The following RAB6A variants were observed in gnomAD, a reference collection of about 807,000 sequenced individuals.
RAB6A encodes ras-related protein Rab-6A.
A neutral mutation model predicts 32.3 loss-of-function variants in RAB6A; 8 were observed. The ratio of observed to expected loss-of-function variants is 0.25; its 90% CI spans 0.15 to 0.45. RAB6A has a LOEUF of 0.45. RAB6A is among the 20% of genes least tolerant of loss of function. The pLI is 1.00. For missense variants in RAB6A, 104 were observed against 249.4 expected (o/e 0.42, Z 3.93); for synonymous variants, 73 against 82.1 (o/e 0.89, Z 0.60).
intron 1 of RAB6A, among the ~76,000 whole-genome samples, chr11:73,746,145 C>G (rs1946584965): frequency 6.8e-6 from 1 of 147,986 alleles, no homozygotes; most frequent in Admixed American, 6.7e-5. Context: ...GCCTGGCCAA[C>G]AGAGACCCCA....
chr11:73,697,010 C>T (rs912067932), intron 6 of RAB6A, among the ~76,000 whole-genome samples: 1 of 152,174 alleles, frequency 6.6e-6, no homozygotes, highest in Admixed American at 6.6e-5. Flanking sequence ...CCCACATGGT[C>T]TTAAGGCCTC....
At chr11:73,734,695 A>C (rs963077534) in intron 1 of RAB6A, among the ~76,000 whole-genome samples, 1 of 152,190 alleles carries the variant, frequency 6.6e-6, no homozygotes, top group Non-Finnish European at 1.5e-5. Context: ...ATGAGAATCT[A>C]ATGCCAGCAC....
intron 5 of RAB6A, among the ~76,000 whole-genome samples, chr11:73,712,284 A>C (rs565025835): frequency 6.6e-6 from 1 of 151,560 alleles, no homozygotes; most frequent in Non-Finnish European, 1.5e-5. Flanking sequence ...TACATAGTTC[A>C]TTTTCCCCAG....
intron 1 of RAB6A, among the ~76,000 whole-genome samples, chr11:73,741,933 C>T (rs1286903195): frequency 1.3e-5 from 2 of 151,818 alleles, no homozygotes; most frequent in Non-Finnish European, 2.9e-5. Flanking sequence ...CTCCAGGAGA[C>T]ATATAGGGAC....
At chr11:73,731,514 A>G (rs1946300450) in intron 1 of RAB6A, among the ~76,000 whole-genome samples, 1 of 148,152 alleles carries the variant, frequency 6.7e-6, no homozygotes, top group Admixed American at 6.8e-5. Context: ...ACTGTACTCC[A>G]GCCTGGCAAC....
At chr11:73,698,531 C>T (rs1162584652) in intron 6 of RAB6A, among the ~76,000 whole-genome samples, 2 of 152,096 alleles carry the variant, frequency 1.3e-5, no homozygotes, top group Non-Finnish European at 2.9e-5. Flanking sequence ...TTAGGCAATT[C>T]TAGGAAAGTT....
chr11:73,694,029 C>G (rs116248620), intron 6 of RAB6A, among the ~76,000 whole-genome samples: 1 of 152,060 alleles, frequency 6.6e-6, no homozygotes. Context: ...AATACCTATG[C>G]GGTATCAGAA....
chr11:73,679,510 A>G, intron 7 of RAB6A, 144 bp downstream of exon 7: 1 of 950,876 alleles, frequency 1.1e-6, no homozygotes, highest in South Asian at 1.9e-5. Context: ...CTCATTTGCT[A>G]TAGAAAACAA....
chr11:73,702,157 T>C (rs1945755654), intron 6 of RAB6A, among the ~76,000 whole-genome samples: 1 of 152,118 alleles, frequency 6.6e-6, no homozygotes, highest in Non-Finnish European at 1.5e-5. Context: ...CTAGTAAGGA[T>C]ATATAAGGTG....
intron 1 of RAB6A, chr11:73,759,973 T>C: frequency 1.7e-6 from 2 of 1,210,834 alleles, no homozygotes; most frequent in South Asian, 1.3e-5. Flanking sequence ...AATTCAGATG[T>C]TTCCTCTATG....
In RAB6A at chr11:73,719,468, G is replaced by A. The variant is rs947224270; in HGVS notation, c.184-750C>T. On this transcript the variant is annotated intron_variant, in intron 3 of 7. Transcript: ENST00000336083. ...CGCGCACGCATGCACGCGTGTGTGT[G>A]TATAATGTAACAAAAAGGAGGAAGA... Among the ~76,000 whole-genome samples, 3 of 152,296 alleles carry A rather than the reference G, an allele frequency of 2.0e-5. No homozygotes were observed. In the South Asian group the frequency reaches 6.2e-4, roughly 32 times the overall value.
At chr11:73,758,171 A>G (rs1252770167) in intron 1 of RAB6A, among the ~76,000 whole-genome samples, 1 of 152,242 alleles carries the variant, frequency 6.6e-6, no homozygotes, top group African/African-American at 2.4e-5. Flanking sequence ...GACACTGACC[A>G]TGAAAACAGA....
chr11:73,703,377 T>A (rs1425320331), intron 6 of RAB6A, among the ~76,000 whole-genome samples: 3 of 152,184 alleles, frequency 2.0e-5, no homozygotes, highest in Non-Finnish European at 4.4e-5. Flanking sequence ...AAAAATAAAG[T>A]ATATTATCAT....
At chr11:73,751,437 G>T (rs1483391041) in intron 1 of RAB6A, among the ~76,000 whole-genome samples, 1 of 152,268 alleles carries the variant, frequency 6.6e-6, no homozygotes, top group East Asian at 1.9e-4. Context: ...ACCGACAATG[G>T]GGAAAGCTGA....
Position 73,688,544 on chromosome 11 carries a change from T to C in RAB6A, c.496-8824A>G, listed in dbSNP as rs187533450. Reference sequence around the variant, plus strand: ...AGAATTGCTAATGAGTTGGTGCCATTCTGTGTACTTTCTATATCTTGAACT... The same window carrying C: ...AGAATTGCTAATGAGTTGGTGCCATCCTGTGTACTTTCTATATCTTGAACT... On this transcript the variant is annotated intron_variant, in intron 6 of 7. Transcript: ENST00000336083. 4.6e-5 allele frequency among the ~76,000 whole-genome samples: 7 copies of C among 152,360 alleles called. No individual in the cohort carries two copies. The East Asian group carries it at 1.3e-3, about 29-fold the overall frequency.
chr11:73,750,210 A>T (rs1946652824), intron 1 of RAB6A, among the ~76,000 whole-genome samples: 1 of 152,218 alleles, frequency 6.6e-6, no homozygotes, highest in Non-Finnish European at 1.5e-5. Context: ...CACAACGGAC[A>T]GGATAACAAG....
chr11:73,722,332 TATA>T (rs1946151131), intron 2 of RAB6A: 5 of 9,656 alleles, frequency 5.2e-4, no homozygotes, highest in Non-Finnish European at 8.0e-4. Context: ...TATATATATA[TATA>T]TATATATATT....
chr11:73,704,558 G>A (rs1212889552), intron 6 of RAB6A, among the ~76,000 whole-genome samples: 3 of 151,372 alleles, frequency 2.0e-5, no homozygotes, highest in Non-Finnish European at 4.4e-5. Context: ...GGTGGCGCTC[G>A]ACTGTAGTCC....
intron 7 of RAB6A, among the ~76,000 whole-genome samples, chr11:73,678,724 T>G (rs1945305908): frequency 8.0e-6 from 1 of 125,250 alleles, no homozygotes; most frequent in Non-Finnish European, 1.6e-5. Flanking sequence ...GTTGTTGTTG[T>G]GTTTTTTTTT....
Sources: allele counts gnomAD v4.1 joint callset (sites outside exome capture counted in the v4.1 genomes callset), GRCh38; gene constraint gnomAD v4.1.1; transcripts MANE v1.5; gene names NCBI Gene and HGNC (gene_info 2026-07-23, HGNC 2026-07-21).